The following AUH variants were observed in gnomAD, a reference collection of about 807,000 sequenced individuals.
The protein encoded by AUH is AU RNA binding methylglutaconyl-CoA hydratase.
Under a neutral mutation model 42.3 loss-of-function variants are expected in AUH, and 29 were observed. The ratio of observed to expected loss-of-function variants is 0.69; its 90% CI spans 0.51 to 0.93. The LOEUF is 0.93. AUH is among the 40% of genes least tolerant of loss of function. The pLI is 0.00. For missense variants in AUH, 452 were observed against 438.1 expected (o/e 1.03, Z -0.28); for synonymous variants, 174 against 166.4 (o/e 1.05, Z -0.35).
At chr9:91,327,007 T>C (rs1260071478) in intron 3 of AUH, among the ~76,000 whole-genome samples, 1 of 152,114 alleles carries the variant, frequency 6.6e-6, no homozygotes, top group Non-Finnish European at 1.5e-5. Context: ...TGCCCAGCAA[T>C]CCTACTGTAT....
intron 6 of AUH, among the ~76,000 whole-genome samples, chr9:91,288,857 T>C (rs1237722150): frequency 6.6e-6 from 1 of 152,184 alleles, no homozygotes; most frequent in African/African-American, 2.4e-5. Flanking sequence ...GGTCCATTAA[T>C]ATGTTCAATA....
At chr9:91,338,922 G>A (rs1228873113) in intron 3 of AUH, among the ~76,000 whole-genome samples, 1 of 152,132 alleles carries the variant, frequency 6.6e-6, no homozygotes, top group Non-Finnish European at 1.5e-5. Flanking sequence ...ACACTTCTAT[G>A]ATTATATCTC....
chr9:91,336,754 A>G (rs1830724278), intron 3 of AUH, among the ~76,000 whole-genome samples: 1 of 152,096 alleles, frequency 6.6e-6, no homozygotes, highest in Admixed American at 6.5e-5. Flanking sequence ...AGCTGAATCT[A>G]GGTTTCAAAT....
chr9:91,361,622 C>G lies in AUH; in HGVS notation c.262+6G>C, dbSNP rs573809356. The G allele has an allele frequency of 1.3e-6, 2 of 1,578,532 alleles. No individual in the cohort carries two copies. Among genetic ancestry groups the G allele is most frequent in the African/African-American group, 1.4e-5 (1 of 73,800 alleles). On this transcript the variant is annotated splice_donor_region_variant and intron_variant, in intron 1 of 9. Coordinates refer to ENST00000375731, the MANE Select transcript of AUH (RefSeq NM_001698.3). ...GCCCCGCGCCTGCCCAGCGTTCGCA[C>G]CTCACCTCGGTTCTCCTCCTCCAGG...
intron 6 of AUH, among the ~76,000 whole-genome samples, chr9:91,233,805 A>G (rs1828027230): frequency 6.6e-6 from 1 of 152,178 alleles, no homozygotes; most frequent in African/African-American, 2.4e-5. Flanking sequence ...AATGGCCTTC[A>G]TGTAAGGTTG....
intron 1 of AUH, chr9:91,357,635 T>C (rs111227702): frequency 4.1e-5 from 17 of 415,604 alleles, no homozygotes; most frequent in African/African-American, 1.9e-4. Flanking sequence ...GTAACCAGAA[T>C]TGATAATGGT....
intron 3 of AUH, among the ~76,000 whole-genome samples, chr9:91,340,416 C>T (rs114267082): frequency 9.9e-4 from 151 of 152,252 alleles, no homozygotes; most frequent in African/African-American, 3.4e-3. Flanking sequence ...TGGTATTAAT[C>T]ATGTTGCCTT....
At chr9:91,342,950 T>A (rs949541028) in intron 3 of AUH, 1 of 152,248 alleles carries the variant, frequency 6.6e-6, no homozygotes, top group African/African-American at 2.4e-5. Context: ...CCACTTCCAC[T>A]TGATAGTAAA....
intron 6 of AUH, among the ~76,000 whole-genome samples, chr9:91,289,653 T>A (rs1419359773): frequency 6.6e-6 from 1 of 152,238 alleles, no homozygotes; most frequent in Non-Finnish European, 1.5e-5. Context: ...GAGATCACTT[T>A]AGGCATGGCA....
At chr9:91,328,250 G>A (rs1044321027) in intron 3 of AUH, among the ~76,000 whole-genome samples, 5 of 152,128 alleles carry the variant, frequency 3.3e-5, no homozygotes, top group Non-Finnish European at 7.4e-5. Context: ...TTAGAGGTTC[G>A]TTCCCATCAG....
rs181450678 is a variant in AUH at position 91,352,268 on chromosome 9, G to A, written c.418+3615C>T. Among the ~76,000 whole-genome samples, 322 of 151,992 alleles carry A rather than the reference G, an allele frequency of 2.1e-3. 3 individuals carry two copies. The highest frequency in any genetic ancestry group is 3.8e-3 in the Non-Finnish European group (260 of 67,976). ...CCTGCATGGGTGACAGGGAGACCCC[G>A]TCTCAAAAAAATAAAAACAAATAAT... On this transcript the variant is annotated intron_variant, in intron 3 of 9. Coordinates refer to ENST00000375731, the MANE Select transcript of AUH (RefSeq NM_001698.3).
At chr9:91,269,097 C>T (rs1824901895) in intron 6 of AUH, among the ~76,000 whole-genome samples, 1 of 152,160 alleles carries the variant, frequency 6.6e-6, no homozygotes, top group Non-Finnish European at 1.5e-5. Context: ...TCTTCTGCCT[C>T]AGCCTCCTGA....
intron 3 of AUH, among the ~76,000 whole-genome samples, chr9:91,337,733 G>T (rs920710315): frequency 6.6e-6 from 1 of 152,182 alleles, no homozygotes; most frequent in Non-Finnish European, 1.5e-5. Flanking sequence ...TTTGTTAGAT[G>T]GAGGTGAGAG....
chr9:91,283,661 A>G (rs1403671871), intron 6 of AUH, among the ~76,000 whole-genome samples: 2 of 152,190 alleles, frequency 1.3e-5, no homozygotes, highest in Non-Finnish European at 2.9e-5. Context: ...ATTCCTATAC[A>G]CCAATAACAG....
intron 6 of AUH, among the ~76,000 whole-genome samples, chr9:91,281,164 G>A (rs1825935391): frequency 6.6e-6 from 1 of 152,042 alleles, no homozygotes; most frequent in Admixed American, 6.6e-5. Context: ...TAACCTTTCA[G>A]TATTATCCCA....
intron 6 of AUH, among the ~76,000 whole-genome samples, chr9:91,267,759 G>C (rs1830056276): frequency 6.6e-6 from 1 of 152,260 alleles, no homozygotes; most frequent in Non-Finnish European, 1.5e-5. Context: ...GAGTACTCCA[G>C]GCAGGCAGGG....
chr9:91,326,035 G>C (rs1829947907), intron 3 of AUH, among the ~76,000 whole-genome samples: 1 of 152,092 alleles, frequency 6.6e-6, no homozygotes, highest in Non-Finnish European at 1.5e-5. Context: ...CTTTGGAACA[G>C]AGAAAAATAA....
At chr9:91,298,631 G>A (rs1266353552) in intron 4 of AUH, among the ~76,000 whole-genome samples, 2 of 152,162 alleles carry the variant, frequency 1.3e-5, no homozygotes, top group South Asian at 2.1e-4. Flanking sequence ...AAACAATCAG[G>A]CTCTTCCACT....
At chr9:91,246,291 G>A (rs903061343) in intron 6 of AUH, among the ~76,000 whole-genome samples, 1 of 152,166 alleles carries the variant, frequency 6.6e-6, no homozygotes, top group African/African-American at 2.4e-5. Flanking sequence ...AAACCACGTG[G>A]AAGATTAACA....
Sources: allele counts gnomAD v4.1 joint callset (sites outside exome capture counted in the v4.1 genomes callset), GRCh38; gene constraint gnomAD v4.1.1; transcripts MANE v1.5; gene names NCBI Gene and HGNC (gene_info 2026-07-23, HGNC 2026-07-21).